Variants in PHACTR1 observed in about 807,000 individuals in gnomAD.
PHACTR1 encodes the protein RPEL repeat containing 1.
PHACTR1 carries 16 observed loss-of-function variants against 69.2 expected under a neutral mutation model. The ratio of observed to expected loss-of-function variants is 0.23; its 90% CI spans 0.16 to 0.35. The LOEUF (loss-of-function observed/expected upper bound fraction) is 0.35, where lower values mean the gene tolerates loss of function less well. Among genes scored for constraint, PHACTR1 ranks in the 10% least tolerant of loss-of-function variants. PHACTR1 has a pLI of 1.00. For synonymous variants in PHACTR1, 312 were observed against 284.5 expected (o/e 1.10, Z -0.97); for missense variants, 510 against 734.7 (o/e 0.69, Z 3.54).
At chr6:13,216,681 G>T (rs1474119773) in intron 8 of PHACTR1, among the ~76,000 whole-genome samples, 1 of 152,106 alleles carries the variant, frequency 6.6e-6, no homozygotes, top group Non-Finnish European at 1.5e-5. Flanking sequence ...TCAGTTCTTT[G>T]ATTTTAAAGC....
At position 12,749,882 on chromosome 6, in the gene PHACTR1, G is replaced by A. The variant is rs1486858555; in HGVS notation, c.250+92G>A. On this transcript the variant is annotated intron_variant, in intron 4 of 14. Transcript: ENST00000332995. Reference sequence around the variant, plus strand: ...CCCGCCCCTCCCGGGCGTCCTCCCCGCCGCCCCCCGCAGTCGGGCGCTCAG... The same window carrying A: ...CCCGCCCCTCCCGGGCGTCCTCCCCACCGCCCCCCGCAGTCGGGCGCTCAG... The A allele has an allele frequency of 3.3e-6, 4 of 1,208,604 alleles. No homozygotes were observed. In the East Asian group the frequency reaches 1.1e-4, roughly 34 times the overall value. 74.9% of individuals were successfully genotyped at this position (1,208,604 alleles called of 1,614,324 possible).
chr6:12,771,306 C>G (rs1281921562), intron 4 of PHACTR1, among the ~76,000 whole-genome samples: 1 of 152,106 alleles, frequency 6.6e-6, no homozygotes, highest in African/African-American at 2.4e-5. Flanking sequence ...GGTAGATGAC[C>G]TCTAAGTTTC....
intron 5 of PHACTR1, among the ~76,000 whole-genome samples, chr6:13,157,692 T>C (rs1420605503): frequency 2.6e-5 from 4 of 152,210 alleles, no homozygotes; most frequent in Non-Finnish European, 5.9e-5. Context: ...GGAAACCTCA[T>C]TTTGTTTAAG....
intron 10 of PHACTR1, among the ~76,000 whole-genome samples, chr6:13,253,492 A>G (rs560001144): frequency 3.1e-4 from 47 of 152,304 alleles, no homozygotes; most frequent in African/African-American, 1.1e-3. Flanking sequence ...GTCCCTCTCT[A>G]TAGCAAACAC....
chr6:12,831,322 A>G (rs1039587401), intron 4 of PHACTR1, among the ~76,000 whole-genome samples: 1 of 152,202 alleles, frequency 6.6e-6, no homozygotes, highest in Non-Finnish European at 1.5e-5. Context: ...AGAAAATAGA[A>G]AGGATCATGG....
chr6:13,271,417 C>T (rs561000910), intron 10 of PHACTR1, among the ~76,000 whole-genome samples: 24 of 152,228 alleles, frequency 1.6e-4, no homozygotes, highest in African/African-American at 4.6e-4. Context: ...GGTGGTGACA[C>T]GGGAATGTCA....
chr6:13,251,686 C>T (rs1172849110), intron 10 of PHACTR1, among the ~76,000 whole-genome samples: 1 of 152,178 alleles, frequency 6.6e-6, no homozygotes, highest in Admixed American at 6.5e-5. Context: ...TAAATTCAGC[C>T]TCTCTTTGAG....
chr6:13,146,487 C>T (rs935501110), intron 5 of PHACTR1, among the ~76,000 whole-genome samples: 1 of 152,192 alleles, frequency 6.6e-6, no homozygotes, highest in African/African-American at 2.4e-5. Context: ...GAATGTAAAA[C>T]CTGACTATCT....
intron 6 of PHACTR1, among the ~76,000 whole-genome samples, chr6:13,175,326 G>C (rs1407848448): frequency 6.6e-6 from 1 of 152,104 alleles, no homozygotes; most frequent in Non-Finnish European, 1.5e-5. Flanking sequence ...ATCTCTTCCA[G>C]CCCTCATGCA....
intron 4 of PHACTR1, among the ~76,000 whole-genome samples, chr6:12,809,704 G>A (rs1213712496): frequency 1.3e-5 from 2 of 152,152 alleles, no homozygotes; most frequent in African/African-American, 4.8e-5. Flanking sequence ...GTCTTACTTA[G>A]AGAAAAAGGA....
intron 4 of PHACTR1, among the ~76,000 whole-genome samples, chr6:12,930,342 C>A (rs1788729746): frequency 6.6e-6 from 1 of 152,036 alleles, no homozygotes; most frequent in South Asian, 2.1e-4. Flanking sequence ...ACTGCGCTGG[C>A]CAAGAGAATT....
At chr6:12,998,736 T>G (rs1797736625) in intron 4 of PHACTR1, among the ~76,000 whole-genome samples, 1 of 151,790 alleles carries the variant, frequency 6.6e-6, no homozygotes, top group Non-Finnish European at 1.5e-5. Flanking sequence ...AACAAAATTA[T>G]GACTGAAAGA....
At chr6:13,168,201 T>C (rs1055351068) in intron 6 of PHACTR1, among the ~76,000 whole-genome samples, 1 of 152,254 alleles carries the variant, frequency 6.6e-6, no homozygotes, top group Non-Finnish European at 1.5e-5. Context: ...CTATAATCAT[T>C]TGTGTAGCAC....
chr6:13,023,543 A>T (rs1472790992), intron 4 of PHACTR1, among the ~76,000 whole-genome samples: 3 of 152,182 alleles, frequency 2.0e-5, no homozygotes, highest in African/African-American at 7.2e-5. Context: ...GGGGGGAAAA[A>T]GTTCCCGTTC....
rs543352316 is a variant in PHACTR1, at chr6:12,779,444, G to A, written c.250+29654G>A. On this transcript the variant is annotated intron_variant, in intron 4 of 14. Transcript: ENST00000332995. The stretch of plus-strand genomic sequence containing the variant: ...CTCATTAGCTCAGTTAAACTTTTTC[G>A]TAATGTCATATTTACTTCTGTTAAT... 6.2e-5 allele frequency among the ~76,000 whole-genome samples: 9 copies of A among 144,100 alleles called. No individual in the cohort carries two copies. The East Asian group carries it at 9.7e-4, about 15-fold the overall frequency. The allele number at this position is 144,100 out of a possible 152,430, so 94.5% of individuals were successfully genotyped here. A position where few individuals can be genotyped will look rare whatever the true frequency, so the allele number is the denominator to read the frequency against.
At chr6:13,197,081 C>T (rs1364357132) in intron 7 of PHACTR1, among the ~76,000 whole-genome samples, 4 of 152,196 alleles carry the variant, frequency 2.6e-5, no homozygotes, top group African/African-American at 9.7e-5. Flanking sequence ...TTACAAAGCA[C>T]GTTCACGTGA....
intron 4 of PHACTR1, among the ~76,000 whole-genome samples, chr6:12,799,397 T>A (rs987825151): frequency 4.6e-5 from 7 of 152,184 alleles, no homozygotes; most frequent in Non-Finnish European, 1.0e-4. Context: ...TAGAGCCAGT[T>A]ACTAGGTTTT....
chr6:12,846,601 C>T (rs1021627626), intron 4 of PHACTR1, among the ~76,000 whole-genome samples: 14 of 152,088 alleles, frequency 9.2e-5, no homozygotes, highest in African/African-American at 2.7e-4. Flanking sequence ...GAACACTTGG[C>T]TCTTATTGAG....
intron 7 of PHACTR1, among the ~76,000 whole-genome samples, chr6:13,203,098 C>T (rs906344738): frequency 3.3e-5 from 5 of 152,220 alleles, no homozygotes; most frequent in African/African-American, 9.6e-5. Flanking sequence ...GCCACAACTG[C>T]GTGATCCTAA....
Sources: gnomAD v4.1 joint callset for allele counts (sites outside exome capture counted in the v4.1 genomes callset) on GRCh38, gnomAD v4.1.1 for gene constraint, MANE v1.5 for transcripts, NCBI Gene and HGNC (gene_info 2026-07-23, HGNC 2026-07-21) for gene names.